PRDM12: variants seen among roughly 807,000 people sequenced by gnomAD.
PRDM12 encodes PR/SET domain 12, also known as PR domain zinc finger protein 12.
In PRDM12, 17 loss-of-function variants were observed where a neutral mutation model predicts 29.6. That is an observed-to-expected ratio of 0.57 (90% CI 0.39 to 0.86). The LOEUF (loss-of-function observed/expected upper bound fraction) is 0.86, where lower values mean the gene tolerates loss of function less well. PRDM12 is among the 40% of genes least tolerant of loss of function. PRDM12 has a pLI of 0.00. For synonymous variants in PRDM12, 231 were observed against 225.8 expected (o/e 1.02, Z -0.21); for missense variants, 422 against 510.8 (o/e 0.83, Z 1.68).
At chr9:130,666,505 G>T (rs935583847) in intron 1 of PRDM12, 103 bp from the exon 2 acceptor site, 1 of 1,430,700 alleles carries the variant, frequency 7.0e-7, no homozygotes, top group Non-Finnish European at 9.3e-7. Context: ...ACTTGGGTTT[G>T]GCTGGTCTGG....
intron 3 of PRDM12, among the ~76,000 whole-genome samples, chr9:130,676,295 C>T (rs1252606741): frequency 6.6e-6 from 1 of 152,064 alleles, no homozygotes; most frequent in African/African-American, 2.4e-5. Flanking sequence ...TCGAGACCAT[C>T]CTGGCTAACA....
At chr9:130,671,165 T>C (rs1239245344) in intron 3 of PRDM12, among the ~76,000 whole-genome samples, 2 of 152,038 alleles carry the variant, frequency 1.3e-5, no homozygotes, top group Non-Finnish European at 2.9e-5. Context: ...GCCAACATGG[T>C]GAAACCCCGT....
At position 130,668,309 on chromosome 9, in the gene PRDM12, T is replaced by C. The variant is rs768492772; in HGVS notation, c.566T>C (p.Ile189Thr). ...GGCACCAGCATCTTCTACAAGGCCATTGAGGTGTGTGTGTGTGTGTGCACT... is the reference window on the plus strand; with the variant it reads ...GGCACCAGCATCTTCTACAAGGCCACTGAGGTGTGTGTGTGTGTGTGCACT... Reference protein sequence around the residue: ...QIGTSIFYKAIEMIPPDQELL... With the variant: ...QIGTSIFYKATEMIPPDQELL... Residue 189 changes from isoleucine to threonine, a missense_variant, in exon 3 of 5, where the codon ATT becomes ACT. Physicochemically the swap from Ile to Thr is moderately conservative, Grantham distance 89. This residue lies in a region of PRDM12 where 300 missense variants were observed against 350.0 expected (regional missense o/e 0.86). Coordinates refer to ENST00000253008, the MANE Select transcript of PRDM12 (RefSeq NM_021619.3). This position sits in a 1 kb window ranked among gnomAD's most constrained non-coding sequence, Gnocchi z 4.0. 85 of 1,613,252 alleles carry C rather than the reference T, an allele frequency of 5.3e-5. No homozygotes were observed. Among genetic ancestry groups the C allele is most frequent in the Middle Eastern group, 3.3e-4 (2 of 6,062 alleles).
chr9:130,674,010 C>CTTTTTT (rs35863613), intron 3 of PRDM12, among the ~76,000 whole-genome samples: 72 of 71,810 alleles, frequency 1.0e-3, no homozygotes, highest in Non-Finnish European at 1.1e-3. Context: ...TTCTTTCTTT[C>CTTTTTT]TTTTTTTTTT....
At chr9:130,665,903 G>A (rs1830729079) in intron 1 of PRDM12, among the ~76,000 whole-genome samples, 1 of 152,204 alleles carries the variant, frequency 6.6e-6, no homozygotes, top group Non-Finnish European at 1.5e-5. Flanking sequence ...AACCCTCGGG[G>A]AGCTGGGGGC....
In PRDM12 at chr9:130,668,107, T is replaced by C; in HGVS notation, c.415-51T>C. 1 of 1,599,378 alleles carries C rather than the reference T, an allele frequency of 6.3e-7. No homozygotes were observed. Among genetic ancestry groups the C allele is most frequent in the Non-Finnish European group, 8.6e-7 (1 of 1,168,318 alleles). On this transcript the variant is annotated intron_variant, in intron 2 of 4. Coordinates refer to ENST00000253008, the MANE Select transcript of PRDM12 (RefSeq NM_021619.3). This position sits in a 1 kb window ranked among gnomAD's most constrained non-coding sequence, Gnocchi z 4.0. ...GTGTGTGGATGTGCCTGGAAGATGG[T>C]ACACATGGCATAGCCCTGCCTTACC...
intron 3 of PRDM12, among the ~76,000 whole-genome samples, chr9:130,678,194 G>A (rs1564248332): frequency 6.6e-6 from 1 of 151,922 alleles, no homozygotes; most frequent in Non-Finnish European, 1.5e-5. Context: ...GTTCCCCGGG[G>A]TAAGAATGGA....
intron 3 of PRDM12, among the ~76,000 whole-genome samples, chr9:130,676,858 C>T (rs559540363): frequency 1.3e-5 from 2 of 152,150 alleles, no homozygotes; most frequent in Non-Finnish European, 2.9e-5. Flanking sequence ...GTCACCTAAG[C>T]CCCCTCACAC....
chr9:130,668,488 C>T lies in PRDM12; in HGVS notation c.570+175C>T, dbSNP rs925530816. Among the ~76,000 whole-genome samples, 8 of 152,204 alleles carry T rather than the reference C, an allele frequency of 5.3e-5. No homozygotes were observed. The highest frequency in any genetic ancestry group is 9.7e-5 in the African/African-American group (4 of 41,446). On this transcript the variant is annotated intron_variant, in intron 3 of 4. Transcript: ENST00000253008. This position sits in a 1 kb window ranked among gnomAD's most constrained non-coding sequence, Gnocchi z 4.0. The stretch of plus-strand genomic sequence containing the variant: ...CAGACAGGTGGGTCTCCAGACATCC[C>T]GCTGTCCAGGTGTGTGACCTCCATG...
intron 3 of PRDM12, among the ~76,000 whole-genome samples, chr9:130,676,665 C>A (rs1395410632): frequency 1.3e-5 from 2 of 152,190 alleles, no homozygotes; most frequent in Non-Finnish European, 2.9e-5. Flanking sequence ...GTGCCACATT[C>A]TAATCTGTCC....
Position 130,664,910 on chromosome 9 carries a change from T to TCCTCCCGGCGACCCCCATTCC in PRDM12, c.223+36_223+56dup. ...AGCCGTCGGAGCCCGGCGCAATCCC[T>TCCTCCCGGCGACCCCCATTCC]CCTCCCGGCGACCCCCATTCCCGTC... On this transcript the variant is annotated intron_variant, in intron 1 of 4. Transcript: ENST00000253008. This position sits in a 1 kb window ranked among gnomAD's most constrained non-coding sequence, Gnocchi z 6.4. The TCCTCCCGGCGACCCCCATTCC allele has an allele frequency of 6.7e-7, 1 of 1,489,394 alleles. No individual in the cohort carries two copies. The allele number at this position is 1,489,394 out of a possible 1,614,324, so 92.3% of individuals were successfully genotyped here. A position where few individuals can be genotyped will look rare whatever the true frequency, so the allele number is the denominator to read the frequency against.
At chr9:130,670,140 T>C (rs563940967) in intron 3 of PRDM12, among the ~76,000 whole-genome samples, 75 of 152,268 alleles carry the variant, frequency 4.9e-4, no homozygotes, top group African/African-American at 1.6e-3. Context: ...GCAAGTGCTG[T>C]GCAGAGGCAG....
chr9:130,674,410 A>G (rs1165225532), intron 3 of PRDM12, among the ~76,000 whole-genome samples: 1 of 151,852 alleles, frequency 6.6e-6, no homozygotes, highest in African/African-American at 2.4e-5. Context: ...CGGCCTCTCA[A>G]AATGCTGGGA....
intron 2 of PRDM12, among the ~76,000 whole-genome samples, chr9:130,667,813 G>A (rs900235942): frequency 2.0e-5 from 3 of 152,172 alleles, no homozygotes; most frequent in Non-Finnish European, 4.4e-5. Context: ...AGTGCCATGG[G>A]GAGCACCTCT....
intron 4 of PRDM12, among the ~76,000 whole-genome samples, chr9:130,679,150 G>A (rs1314379583): frequency 6.6e-6 from 1 of 152,186 alleles, no homozygotes; most frequent in Non-Finnish European, 1.5e-5. Flanking sequence ...TAAGCCTGTT[G>A]AAGGAAGGCA....
intron 3 of PRDM12, among the ~76,000 whole-genome samples, chr9:130,674,681 C>G (rs1180342669): frequency 1.3e-5 from 2 of 152,030 alleles, no homozygotes; most frequent in East Asian, 3.9e-4. Flanking sequence ...AGCAAACCAG[C>G]GACAGTGGCT....
intron 2 of PRDM12, among the ~76,000 whole-genome samples, chr9:130,667,120 C>T (rs2132589917): frequency 6.6e-6 from 1 of 152,350 alleles, no homozygotes; most frequent in Middle Eastern, 3.4e-3. Flanking sequence ...TCCCCACGCG[C>T]CATCCCTCCA....
chr9:130,668,322 G>A lies in PRDM12; in HGVS notation c.570+9G>A. The A allele has an allele frequency of 6.2e-7, 1 of 1,613,832 alleles. No individual in the cohort carries two copies. Among genetic ancestry groups the A allele is most frequent in the South Asian group, 1.1e-5 (1 of 91,086 alleles). On this transcript the variant is annotated intron_variant, in intron 3 of 4. Transcript: ENST00000253008. This position sits in a 1 kb window ranked among gnomAD's most constrained non-coding sequence, Gnocchi z 4.0. ...TCTACAAGGCCATTGAGGTGTGTGT[G>A]TGTGTGTGCACTGTTGTGTAGGGAC... is the stretch of plus-strand genomic sequence containing the variant.
At position 130,664,716 on chromosome 9, in the gene PRDM12, A is replaced by C. The variant is rs1251715599; in HGVS notation, c.63A>C (p.Gly21=). 3 of 1,609,052 alleles carry C rather than the reference A, an allele frequency of 1.9e-6. No homozygotes were observed. Among genetic ancestry groups the C allele is most frequent in the Non-Finnish European group, 2.5e-6 (3 of 1,179,248 alleles). ...TCAAGACCGGGCTGAAGGCGCCGGG[A>C]CTGGCGCTGGCCGAGGTTATCACCT... ...LVLKTGLKAP[G]LALAEVITSD... Residue 21 remains glycine, a synonymous_variant, in exon 1 of 5, where the codon GGA becomes GGC. Coordinates refer to ENST00000253008, the MANE Select transcript of PRDM12 (RefSeq NM_021619.3). This position sits in a 1 kb window ranked among gnomAD's most constrained non-coding sequence, Gnocchi z 6.4.
Sources: gnomAD v4.1 joint callset for allele counts (sites outside exome capture counted in the v4.1 genomes callset) on GRCh38, gnomAD v4.1.1 for gene constraint, gnomAD v4.1.1 regional missense constraint, Gnocchi (gnomAD v3.1) non-coding constraint, MANE v1.5 for transcripts, NCBI Gene and HGNC (gene_info 2026-07-23, HGNC 2026-07-21) for gene names.